PCDHA2: variants seen among roughly 807,000 people sequenced by gnomAD.
PCDHA2 encodes protocadherin alpha-2.
A neutral mutation model predicts 66.0 loss-of-function variants in PCDHA2; 58 were observed. The observed-to-expected ratio is 0.88, with a 90% CI of 0.71 to 1.09. The LOEUF is 1.09. Ranked by LOEUF, PCDHA2 falls within the 50% of genes least tolerant of loss-of-function variation. The pLI is 0.00. For synonymous variants in PCDHA2, 634 were observed against 554.0 expected (o/e 1.14, Z -2.03); for missense variants, 1,267 against 1,242.3 (o/e 1.02, Z -0.30).
chr5:140,971,902 T>G (rs1554233695), intron 1 of PCDHA2, among the ~76,000 whole-genome samples: 2 of 152,280 alleles, frequency 1.3e-5, no homozygotes, highest in Admixed American at 1.3e-4. Flanking sequence ...GGTTAGGTAA[T>G]CTACACAGCC....
chr5:140,872,356 G>C (rs2053615726), intron 1 of PCDHA2, among the ~76,000 whole-genome samples: 1 of 152,160 alleles, frequency 6.6e-6, no homozygotes, highest in African/African-American at 2.4e-5. Flanking sequence ...GCCAGGCAAA[G>C]TGGTTCAGGC....
intron 1 of PCDHA2, among the ~76,000 whole-genome samples, chr5:140,832,632 C>T (rs1197058685): frequency 1.3e-5 from 2 of 151,992 alleles, no homozygotes; most frequent in Admixed American, 6.6e-5. Context: ...TAAAAAGTTC[C>T]TAGGAGGGTC....
intron 1 of PCDHA2, among the ~76,000 whole-genome samples, chr5:140,806,451 G>A (rs1554123606): frequency 6.6e-6 from 1 of 152,184 alleles, no homozygotes; most frequent in East Asian, 1.9e-4. Flanking sequence ...CAAGCTATTT[G>A]CTATAACTTC....
intron 1 of PCDHA2, among the ~76,000 whole-genome samples, chr5:140,920,226 T>C (rs190564528): frequency 6.6e-6 from 1 of 152,042 alleles, no homozygotes; most frequent in East Asian, 1.9e-4. Context: ...ACATTTATAG[T>C]ATTATATACC....
chr5:140,930,803 T>C (rs1227085867), intron 1 of PCDHA2, among the ~76,000 whole-genome samples: 2 of 152,222 alleles, frequency 1.3e-5, no homozygotes, highest in Non-Finnish European at 2.9e-5. Context: ...ATCCAGCATA[T>C]AAGATATGCT....
At chr5:140,850,186 C>A (rs2150472009) in intron 1 of PCDHA2, 4 of 1,593,728 alleles carry the variant, frequency 2.5e-6, no homozygotes, top group East Asian at 4.5e-5. Flanking sequence ...AATGCGCCGG[C>A]GCTGCTGACA....
intron 1 of PCDHA2, chr5:140,841,962 C>T (rs1342346203): frequency 1.2e-6 from 2 of 1,613,786 alleles, no homozygotes; most frequent in Non-Finnish European, 1.7e-6. Context: ...TTCCTGACAG[C>T]CACAGATGGG....
chr5:140,951,983 A>G (rs1043433314), intron 1 of PCDHA2, among the ~76,000 whole-genome samples: 1 of 152,214 alleles, frequency 6.6e-6, no homozygotes, highest in African/African-American at 2.4e-5. Context: ...CAAAAGGGAA[A>G]AACCAGCCAA....
chr5:140,871,015 G>T (rs1554164977), intron 1 of PCDHA2: 4 of 1,613,124 alleles, frequency 2.5e-6, no homozygotes, highest in East Asian at 4.5e-5. Flanking sequence ...TGCCCTGGAC[G>T]AGGCAGACTC....
At chr5:140,807,592 A>C (rs551466956) in intron 1 of PCDHA2, 2 of 1,613,950 alleles carry the variant, frequency 1.2e-6, no homozygotes, top group Admixed American at 1.7e-5. Context: ...TGTTCCCAGC[A>C]ACACAAAAGA....
intron 1 of PCDHA2, among the ~76,000 whole-genome samples, chr5:140,944,779 T>C (rs1022054674): frequency 6.6e-6 from 1 of 152,228 alleles, no homozygotes; most frequent in African/African-American, 2.4e-5. Flanking sequence ...CCTCCTGTTA[T>C]TGTATTTTAC....
chr5:140,855,355 C>T (rs1489669614), intron 1 of PCDHA2, among the ~76,000 whole-genome samples: 3 of 149,796 alleles, frequency 2.0e-5, no homozygotes, highest in African/African-American at 7.3e-5. Context: ...AGTCATGTGG[C>T]TAGTGAGTAG....
chr5:140,822,939 A>G (rs2150120550), intron 1 of PCDHA2: 1 of 1,614,182 alleles, frequency 6.2e-7, no homozygotes, highest in Non-Finnish European at 8.5e-7. Flanking sequence ...CCTGCTCCCT[A>G]ATGCCCCACG....
chr5:140,829,627 G>C, intron 1 of PCDHA2: 1 of 1,612,248 alleles, frequency 6.2e-7, no homozygotes, highest in Non-Finnish European at 8.5e-7. Context: ...CGGTGCACGC[G>C]GAGAGCGGCA....
At chr5:140,971,958 C>G (rs2096508715) in intron 1 of PCDHA2, among the ~76,000 whole-genome samples, 1 of 152,054 alleles carries the variant, frequency 6.6e-6, no homozygotes, top group Non-Finnish European at 1.5e-5. Context: ...ACTCCAAAAA[C>G]TTTTTTTCAA....
Position 140,855,858 on chromosome 5 carries a change from G to A in PCDHA2, c.2388+58506G>A, listed in dbSNP as rs1203638572. 5 of 715,820 alleles carry A rather than the reference G, an allele frequency of 7.0e-6. 1 individual carries two copies. Among genetic ancestry groups the A allele is most frequent in the Non-Finnish European group, 1.1e-5 (5 of 445,056 alleles). The allele number at this position is 715,820 out of a possible 1,614,324, so 44.3% of individuals were successfully genotyped here. A position where few individuals can be genotyped will look rare whatever the true frequency, so the allele number is the denominator to read the frequency against. On this transcript the variant is annotated intron_variant, in intron 1 of 3. Coordinates refer to ENST00000526136, the MANE Select transcript of PCDHA2 (RefSeq NM_018905.3). ...CTTACACCTAAAGCCACCGGATGTC[G>A]CTGTCGTCCACAAAATAGCTTTTTA...
intron 1 of PCDHA2, among the ~76,000 whole-genome samples, chr5:140,925,577 C>T (rs931426226): frequency 2.6e-5 from 4 of 151,714 alleles, no homozygotes; most frequent in Non-Finnish European, 5.9e-5. Context: ...AGCACACCAA[C>T]ATGGCGCATG....
chr5:140,808,913 G>A, intron 1 of PCDHA2: 1 of 1,613,560 alleles, frequency 6.2e-7, no homozygotes, highest in Non-Finnish European at 8.5e-7. Context: ...CACTGGTGGC[G>A]CAGTGAGCGA....
At chr5:140,817,228 C>G (rs1308715017) in intron 1 of PCDHA2, 1 of 152,288 alleles carries the variant, frequency 6.6e-6, no homozygotes, top group Non-Finnish European at 1.5e-5. Flanking sequence ...TTTCCCTTCT[C>G]AGGGAGAAGA....
Sources: allele counts gnomAD v4.1 joint callset (sites outside exome capture counted in the v4.1 genomes callset), GRCh38; gene constraint gnomAD v4.1.1; transcripts MANE v1.5; gene names NCBI Gene and HGNC (gene_info 2026-07-23, HGNC 2026-07-21).